WWOX: variants seen among roughly 807,000 people sequenced by gnomAD.
WWOX encodes WW domain-containing oxidoreductase.
Under a neutral mutation model 46.2 loss-of-function variants are expected in WWOX, and 69 were observed. That is an observed-to-expected ratio of 1.49 (90% CI 1.23 to 1.82). WWOX has a LOEUF of 1.82. Among genes scored for constraint, WWOX ranks in the 40% most tolerant of loss-of-function variants. The probability of loss-of-function intolerance (pLI) is 0.00; values close to 1 mark genes in which losing one functional copy is unlikely to be tolerated. For missense variants in WWOX, 919 were observed against 542.6 expected (o/e 1.69, Z -6.89); for synonymous variants, 359 against 202.6 (o/e 1.77, Z -6.56).
chr16:78,168,302 C>A (rs2035043034), intron 5 of WWOX: 1 of 152,202 alleles, frequency 6.6e-6, no homozygotes, highest in South Asian at 2.1e-4. Flanking sequence ...TCATGTCTGC[C>A]TTTTAGCCAG....
chr16:79,043,922 A>T (rs1002467459), intron 8 of WWOX, among the ~76,000 whole-genome samples: 1 of 152,062 alleles, frequency 6.6e-6, no homozygotes, highest in Non-Finnish European at 1.5e-5. Context: ...CCGCTCATTC[A>T]CTCTGCTCGG....
At chr16:78,923,338 A>T (rs2045423213) in intron 8 of WWOX, among the ~76,000 whole-genome samples, 1 of 152,108 alleles carries the variant, frequency 6.6e-6, no homozygotes, top group Non-Finnish European at 1.5e-5. Context: ...TTTCACCAGA[A>T]TATCATCATT....
chr16:78,143,444 GC>G (rs1338441704), intron 4 of WWOX, among the ~76,000 whole-genome samples: 1 of 152,134 alleles, frequency 6.6e-6, no homozygotes, highest in African/African-American at 2.4e-5. Flanking sequence ...ACCAAATCCA[GC>G]CCCCCGAGGC....
At chr16:78,323,631 G>T (rs2080540619) in intron 5 of WWOX, among the ~76,000 whole-genome samples, 3 of 152,116 alleles carry the variant, frequency 2.0e-5, no homozygotes, top group Admixed American at 2.0e-4. Flanking sequence ...GTGAGGCTGT[G>T]GACTTTACTT....
At chr16:78,314,072 A>G (rs1375077696) in intron 5 of WWOX, among the ~76,000 whole-genome samples, 1 of 152,088 alleles carries the variant, frequency 6.6e-6, no homozygotes, top group Non-Finnish European at 1.5e-5. Context: ...TCCTTCAGTT[A>G]TGGTGAGAAT....
intron 5 of WWOX, among the ~76,000 whole-genome samples, chr16:78,255,864 C>G (rs2038115609): frequency 6.6e-6 from 1 of 152,146 alleles, no homozygotes; most frequent in Non-Finnish European, 1.5e-5. Flanking sequence ...TAAATCACGA[C>G]CAGGCACAGT....
At chr16:78,740,605 C>T (rs1188403921) in intron 8 of WWOX, among the ~76,000 whole-genome samples, 1 of 152,046 alleles carries the variant, frequency 6.6e-6, no homozygotes, top group African/African-American at 2.4e-5. Context: ...GCATGGGGCG[C>T]CGTTTCATTT....
chr16:79,135,229 T>G (rs1004960701), intron 8 of WWOX, among the ~76,000 whole-genome samples: 1 of 152,238 alleles, frequency 6.6e-6, no homozygotes, highest in Non-Finnish European at 1.5e-5. Flanking sequence ...CACGTAAATA[T>G]GCATACTCAT....
chr16:78,161,481 C>T (rs1171370548), intron 4 of WWOX, among the ~76,000 whole-genome samples: 1 of 151,676 alleles, frequency 6.6e-6, no homozygotes, highest in Non-Finnish European at 1.5e-5. Context: ...GGGCCTTGCT[C>T]TGTCACTCTG....
At chr16:78,772,544 G>A (rs1430178100) in intron 8 of WWOX, among the ~76,000 whole-genome samples, 1 of 152,154 alleles carries the variant, frequency 6.6e-6, no homozygotes, top group Non-Finnish European at 1.5e-5. Context: ...TCTGCAGTGT[G>A]AAGTTATTAT....
intron 8 of WWOX, among the ~76,000 whole-genome samples, chr16:78,483,059 C>G (rs74028842): frequency 0.018 from 2,713 of 152,260 alleles, 63 homozygotes; most frequent in African/African-American, 0.055. Context: ...AGGGCCTCTT[C>G]AACCTACCTT....
chr16:78,767,764 G>T lies in WWOX; in HGVS notation c.1056+335012G>T, dbSNP rs137943275. Among the ~76,000 whole-genome samples the T allele has an allele frequency of 2.0e-5, 3 of 152,244 alleles. No individual in the cohort carries two copies. The East Asian group carries it at 5.8e-4, about 29-fold the overall frequency. On this transcript the variant is annotated intron_variant, in intron 8 of 8. Coordinates refer to ENST00000566780, the MANE Select transcript of WWOX (RefSeq NM_016373.4). Reference sequence around the variant, plus strand: ...AAAAAAATAGAATAGCCATCTGAGTGAAGTGTTACCTCCCTGCAGTGTTGA... The same window carrying T: ...AAAAAAATAGAATAGCCATCTGAGTTAAGTGTTACCTCCCTGCAGTGTTGA...
At chr16:78,482,874 A>T (rs955292259) in intron 8 of WWOX, among the ~76,000 whole-genome samples, 4 of 152,156 alleles carry the variant, frequency 2.6e-5, no homozygotes, top group African/African-American at 9.7e-5. Flanking sequence ...AGGCACATAA[A>T]ATACACATGG....
chr16:78,947,110 A>G (rs1198653853), intron 8 of WWOX, among the ~76,000 whole-genome samples: 2 of 152,114 alleles, frequency 1.3e-5, no homozygotes, highest in Non-Finnish European at 2.9e-5. Flanking sequence ...GGAAAAAAAA[A>G]AAAGAGGGGG....
chr16:78,595,519 C>T (rs145398439), intron 8 of WWOX, among the ~76,000 whole-genome samples: 4 of 152,328 alleles, frequency 2.6e-5, no homozygotes, highest in Non-Finnish European at 2.9e-5. Flanking sequence ...TACAAGACCA[C>T]ATCTCTCAAT....
At chr16:79,201,771 C>G (rs1567613674) in intron 8 of WWOX, among the ~76,000 whole-genome samples, 1 of 146,852 alleles carries the variant, frequency 6.8e-6, no homozygotes, top group Non-Finnish European at 1.5e-5. Flanking sequence ...TCTTCCATCC[C>G]TATTTATGAA....
In WWOX at chr16:78,412,011, G is replaced by A. The variant is rs550193729; in HGVS notation, c.606-12859G>A. On this transcript the variant is annotated intron_variant, in intron 6 of 8. Coordinates refer to ENST00000566780, the MANE Select transcript of WWOX (RefSeq NM_016373.4). ...TCCTCCTTGTCAACAGAGCATGTGT[G>A]TGGGGGTGATGACTTCCCAGATGTG... 1.2e-4 allele frequency among the ~76,000 whole-genome samples: 18 copies of A among 152,362 alleles called. No individual in the cohort carries two copies. In the South Asian group the frequency reaches 2.3e-3, roughly 19 times the overall value.
chr16:79,166,707 C>G (rs539655396), intron 8 of WWOX, among the ~76,000 whole-genome samples: 1 of 152,140 alleles, frequency 6.6e-6, no homozygotes, highest in Non-Finnish European at 1.5e-5. Flanking sequence ...CCCTCAAGAC[C>G]GCTGAACTAC....
At chr16:79,037,310 T>G (rs576213810) in intron 8 of WWOX, among the ~76,000 whole-genome samples, 1 of 152,268 alleles carries the variant, frequency 6.6e-6, no homozygotes, top group South Asian at 2.1e-4. Context: ...GGGGCATGGG[T>G]GAAACCAGAA....
Sources: gnomAD v4.1 joint callset for allele counts (sites outside exome capture counted in the v4.1 genomes callset) on GRCh38, gnomAD v4.1.1 for gene constraint, MANE v1.5 for transcripts, NCBI Gene and HGNC (gene_info 2026-07-23, HGNC 2026-07-21) for gene names.